The following LRRK1 variants were observed in gnomAD, a reference collection of about 807,000 sequenced individuals.
LRRK1 encodes the protein leucine rich repeat kinase 1.
LRRK1 carries 113 observed loss-of-function variants against 209.1 expected under a neutral mutation model. That is an observed-to-expected ratio of 0.54 (90% confidence interval 0.46 to 0.63). The LOEUF (loss-of-function observed/expected upper bound fraction) is 0.63, where lower values mean the gene tolerates loss of function less well. Ranked by LOEUF, LRRK1 falls within the 30% of genes least tolerant of loss-of-function variation. The pLI is 0.00. For synonymous variants in LRRK1, 1,144 were observed against 1,099.7 expected, an observed-to-expected ratio of 1.04 and a Z score of -0.80; for missense variants, 2,284 against 2,632.2, an observed-to-expected ratio of 0.87 and a Z score of 2.89.
intron 5 of LRRK1, 122 bp downstream of exon 5, chr15:100,988,935 C>T: frequency 1.3e-6 from 1 of 791,402 alleles, no homozygotes; most frequent in East Asian, 2.7e-5. Flanking sequence ...GAGACTTTTG[C>T]AACTCCTGTT....
At chr15:101,038,647 T>G (rs1331293926) in intron 20 of LRRK1, among the ~76,000 whole-genome samples, 1 of 152,214 alleles carries the variant, frequency 6.6e-6, no homozygotes, top group Non-Finnish European at 1.5e-5. Context: ...TCCTTGTCCT[T>G]CCTTGCCTTA....
Position 100,988,827 on chromosome 15 carries a change from C to T in LRRK1, c.613+14C>T. On this transcript the variant is annotated intron_variant, in intron 5 of 33. Transcript: ENST00000388948. ...CCATCAAGTCAGGTGGGTTTCCCCA[C>T]TACCCTGAGTCAACCCTGACCGTGC... 1.3e-6 allele frequency: 2 copies of T among 1,582,940 alleles called. No homozygotes were observed. The highest frequency in any genetic ancestry group is 1.7e-6 in the Non-Finnish European group (2 of 1,160,410).
At chr15:101,026,260 G>T (rs2034028334) in intron 17 of LRRK1, 123 bp downstream of exon 17, 1 of 957,582 alleles carries the variant, frequency 1.0e-6, no homozygotes, top group African/African-American at 1.6e-5. Context: ...CTGGCCAAGG[G>T]TGGCCATCCA....
In LRRK1 at chr15:101,011,976, A is replaced by G. The variant is rs771938688; in HGVS notation, c.1282-32A>G. ...ACCACTGCATTTAAAGAGCTAACTA[A>G]TATACATTTTTTTTTCTCGTCAATC... On this transcript the variant is annotated intron_variant, in intron 9 of 33. Transcript: ENST00000388948. The G allele has an allele frequency of 2.0e-6, 3 of 1,533,150 alleles. No homozygotes were observed. The African/African-American group carries it at 4.2e-5, about 21-fold the overall frequency. 95.0% of individuals were successfully genotyped at this position (1,533,150 alleles called of 1,614,324 possible).
intron 2 of LRRK1, among the ~76,000 whole-genome samples, chr15:100,958,046 G>A (rs2042800789): frequency 6.6e-6 from 1 of 152,086 alleles, no homozygotes; most frequent in South Asian, 2.1e-4. Context: ...TTGTGTGACA[G>A]GGTTTCACCA....
chr15:100,934,308 T>C (rs2042256272), intron 2 of LRRK1, among the ~76,000 whole-genome samples: 1 of 152,254 alleles, frequency 6.6e-6, no homozygotes, highest in Non-Finnish European at 1.5e-5. Flanking sequence ...TTCTTTTTAA[T>C]GACCTCTGCA....
At chr15:101,020,723 C>G (rs1049089319) in intron 12 of LRRK1, among the ~76,000 whole-genome samples, 1 of 152,128 alleles carries the variant, frequency 6.6e-6, no homozygotes, top group African/African-American at 2.4e-5. Flanking sequence ...CTTCATACCC[C>G]CATATATGTA....
intron 2 of LRRK1, among the ~76,000 whole-genome samples, chr15:100,953,302 C>T (rs2042691642): frequency 6.6e-6 from 1 of 152,142 alleles, no homozygotes; most frequent in Non-Finnish European, 1.5e-5. Flanking sequence ...TGCCCCAGCT[C>T]TTGGCAACCA....
chr15:101,012,689 C>T (rs570143433), intron 10 of LRRK1, among the ~76,000 whole-genome samples: 1 of 152,156 alleles, frequency 6.6e-6, no homozygotes, highest in African/African-American at 2.4e-5. Context: ...TGCCAGGCCA[C>T]TGCCAGGACC....
chr15:101,050,632 A>G (rs1051992866), intron 23 of LRRK1: 13 of 152,646 alleles, frequency 8.5e-5, no homozygotes, highest in African/African-American at 3.1e-4. Context: ...GGCCGGCCTC[A>G]CCTGCATGCA....
chr15:101,019,380 A>G (rs930449958), intron 12 of LRRK1, among the ~76,000 whole-genome samples: 4 of 152,090 alleles, frequency 2.6e-5, no homozygotes, highest in African/African-American at 9.7e-5. Context: ...TCATTGAAGG[A>G]AAAAAAAGGA....
chr15:100,997,750 C>G (rs920278116), intron 6 of LRRK1, among the ~76,000 whole-genome samples: 1 of 152,210 alleles, frequency 6.6e-6, no homozygotes, highest in East Asian at 1.9e-4. Flanking sequence ...CCTCTTTTCT[C>G]CCAGTGAACT....
At position 101,008,842 on chromosome 15, in the gene LRRK1, C is replaced by T; in HGVS notation, c.768C>T (p.Leu256=). 6.2e-7 allele frequency: 1 copy of T among 1,612,882 alleles called. No homozygotes were observed. Among genetic ancestry groups the T allele is most frequent in the Non-Finnish European group, 8.5e-7 (1 of 1,178,810 alleles). Residue 256 remains leucine, a synonymous_variant, in exon 7 of 34, where the codon CTC becomes CTT. Coordinates refer to ENST00000388948, the MANE Select transcript of LRRK1 (RefSeq NM_024652.6). ...TCCTTTCTTTCCACCACCAGGCTCT[C>T]CGTGTGAAATGGTCCCATCTCAGAC... ...LPSSYPGKTA[L]RVKWSHLRLP... is the part of the protein sequence containing the mutation.
Position 101,076,952 on chromosome 15 carries a change from C to G in LRRK1, c.*8104C>G, listed in dbSNP as rs555208273. 6 of 152,306 alleles carry G rather than the reference C, an allele frequency of 3.9e-5. No homozygotes were observed. In the East Asian group the frequency reaches 7.7e-4, roughly 20 times the overall value. 9.4% of individuals were successfully genotyped at this position (152,306 alleles called of 1,614,324 possible). On this transcript the variant is annotated 3_prime_UTR_variant, in exon 34 of 34. Transcript: ENST00000388948. ...ACCTCTATACTGTCTGATAACAGACCAGCCTTTATTAGTCAAATCAGCCAA... is the reference window on the plus strand; with the variant it reads ...ACCTCTATACTGTCTGATAACAGACGAGCCTTTATTAGTCAAATCAGCCAA...
rs565870409 is a variant in LRRK1 at position 100,964,460 on chromosome 15, C to T, written c.98-9344C>T. Among the ~76,000 whole-genome samples, 8 of 152,274 alleles carry T rather than the reference C, an allele frequency of 5.3e-5. No individual in the cohort carries two copies. In the South Asian group the frequency reaches 1.0e-3, roughly 20 times the overall value. On this transcript the variant is annotated intron_variant, in intron 2 of 33. Coordinates refer to ENST00000388948, the MANE Select transcript of LRRK1 (RefSeq NM_024652.6). ...AAAGTGCCAGGAGGGTGTCACCTCC[C>T]GGGAAGGCCAGCCCCGTTTCCCTGG...
Position 101,074,700 on chromosome 15 carries a change from C to T in LRRK1, c.*5852C>T, listed in dbSNP as rs1257425681. On this transcript the variant is annotated 3_prime_UTR_variant, in exon 34 of 34. Coordinates refer to ENST00000388948, the MANE Select transcript of LRRK1 (RefSeq NM_024652.6). ...ATAGAAAAAAGTTGCAATTCCTTGC[C>T]TCCACTGTGAGACAAACCCCAGCCA... 3 of 152,228 alleles carry T rather than the reference C, an allele frequency of 2.0e-5. No homozygotes were observed. The highest frequency in any genetic ancestry group is 2.0e-4 in the Admixed American group (3 of 15,294). The allele number at this position is 152,228 out of a possible 1,614,324, so 9.4% of individuals were successfully genotyped here.
At chr15:100,933,376 T>C (rs1489128066) in intron 2 of LRRK1, among the ~76,000 whole-genome samples, 2 of 152,212 alleles carry the variant, frequency 1.3e-5, no homozygotes, top group African/African-American at 4.8e-5. Context: ...CTTTCATGCA[T>C]GGGACATTTC....
At chr15:101,053,188 T>C (rs1343475596) in intron 25 of LRRK1, 35 bp from the exon 26 acceptor site, 5 of 1,596,504 alleles carry the variant, frequency 3.1e-6, no homozygotes, top group Non-Finnish European at 4.3e-6. Flanking sequence ...AGGCACCCCA[T>C]GTCCTACTGG....
At chr15:101,021,798 GTGTGTGTGTGTGTGTA>G in intron 13 of LRRK1, 31 bp from the exon 14 acceptor site, 2 of 1,091,100 alleles carry the variant, frequency 1.8e-6, no homozygotes, top group East Asian at 2.5e-5. Flanking sequence ...GTGTGTGTGT[GTGTGTGTGTGTGTGTA>G]TTCTCTCGTG....
Sources: gnomAD v4.1 joint callset for allele counts (sites outside exome capture counted in the v4.1 genomes callset) on GRCh38, gnomAD v4.1.1 for gene constraint, MANE v1.5 for transcripts, NCBI Gene and HGNC (gene_info 2026-07-23, HGNC 2026-07-21) for gene names.